Variants in NRG1 observed in about 807,000 individuals in gnomAD.
NRG1 encodes pro-neuregulin-1, membrane-bound isoform.
Under a neutral mutation model 63.8 loss-of-function variants are expected in NRG1, and 18 were observed. The observed-to-expected ratio is 0.28, with a 90% CI of 0.19 to 0.42. NRG1 has a LOEUF of 0.42. Ranked by LOEUF, NRG1 falls within the 10% of genes least tolerant of loss-of-function variation. NRG1 has a pLI of 1.00. For synonymous variants in NRG1, 302 were observed against 301.3 expected, an observed-to-expected ratio of 1.00 and a Z score of -0.02; for missense variants, 762 against 814.7, an observed-to-expected ratio of 0.94 and a Z score of 0.79.
In NRG1 at chr8:32,742,347, G is replaced by A. The variant is rs931200755; in HGVS notation, c.633-328G>A. On this transcript the variant is annotated intron_variant, in intron 6 of 11. Coordinates refer to ENST00000356819, the Ensembl canonical transcript of NRG1. The surrounding 1 kb of genome is among the most constrained non-coding windows in gnomAD (Gnocchi z 4.2). Reference sequence around the variant, plus strand: ...CAACCGAGAAACATTTTCTTCCAACGTGTGTGACCAAAGCCATCATATGGA... The same window carrying A: ...CAACCGAGAAACATTTTCTTCCAACATGTGTGACCAAAGCCATCATATGGA... 9.9e-5 allele frequency among the ~76,000 whole-genome samples: 15 copies of A among 151,970 alleles called. No homozygotes were observed. The highest frequency in any genetic ancestry group is 8.5e-4 in the Admixed American group (13 of 15,240).
chr8:31,765,628 G>A (rs1327265147), intron 1 of NRG1, among the ~76,000 whole-genome samples: 1 of 152,062 alleles, frequency 6.6e-6, no homozygotes, highest in Non-Finnish European at 1.5e-5. Context: ...CCTTCACATG[G>A]GCAAGTGTTT....
intron 1 of NRG1, among the ~76,000 whole-genome samples, chr8:32,560,465 G>A (rs1836180069): frequency 6.6e-6 from 1 of 152,138 alleles, no homozygotes; most frequent in African/African-American, 2.4e-5. Flanking sequence ...CATAGTCTTT[G>A]TTTTTAAGAA....
At chr8:32,664,839 T>C (rs2128881189) in intron 5 of NRG1, among the ~76,000 whole-genome samples, 2 of 152,310 alleles carry the variant, frequency 1.3e-5, no homozygotes, top group Admixed American at 1.3e-4. Context: ...GACAACCTCA[T>C]ACATTTATTC....
chr8:31,891,554 G>A (rs1831146657), intron 1 of NRG1, among the ~76,000 whole-genome samples: 1 of 152,256 alleles, frequency 6.6e-6, no homozygotes, highest in Non-Finnish European at 1.5e-5. Context: ...ATGTAAAATA[G>A]TACAGCCCAT....
intron 1 of NRG1, among the ~76,000 whole-genome samples, chr8:32,566,956 C>T (rs1169390638): frequency 6.6e-6 from 1 of 152,168 alleles, no homozygotes; most frequent in Non-Finnish European, 1.5e-5. Context: ...GATTCTGTTG[C>T]CTCAGCCTCC....
intron 1 of NRG1, among the ~76,000 whole-genome samples, chr8:31,994,793 C>CT (rs1249823822): frequency 3.4e-4 from 51 of 150,606 alleles, no homozygotes; most frequent in African/African-American, 1.2e-3. Context: ...TCTCACAATT[C>CT]TTTTGGGTAA....
chr8:31,667,909 C>A (rs1806718761), intron 1 of NRG1, among the ~76,000 whole-genome samples: 1 of 152,066 alleles, frequency 6.6e-6, no homozygotes, highest in Non-Finnish European at 1.5e-5. Context: ...TGGAGACAGA[C>A]TGAAAAAGTG....
At chr8:32,627,781 A>G (rs988067981) in intron 5 of NRG1, among the ~76,000 whole-genome samples, 1 of 152,240 alleles carries the variant, frequency 6.6e-6, no homozygotes, top group African/African-American at 2.4e-5. Context: ...AAATTATAAA[A>G]CAAAAATTTT....
At chr8:32,608,036 T>C (rs2439281) in intron 3 of NRG1, among the ~76,000 whole-genome samples, 91,390 of 149,934 alleles carry the variant, frequency 0.61, 28,977 homozygotes, top group African/African-American at 0.76. Context: ...AACAGACTTA[T>C]TCAGGATCAC....
chr8:31,875,100 C>T (rs1260355443), intron 1 of NRG1, among the ~76,000 whole-genome samples: 1 of 152,136 alleles, frequency 6.6e-6, no homozygotes. Context: ...AGCTGCCTTT[C>T]CCCTAATTTC....
At chr8:31,930,629 T>C (rs1429535337) in intron 1 of NRG1, among the ~76,000 whole-genome samples, 1 of 152,160 alleles carries the variant, frequency 6.6e-6, no homozygotes, top group African/African-American at 2.4e-5. Context: ...GGGGAAAAGG[T>C]TATTTTAATA....
At position 31,682,740 on chromosome 8, in the gene NRG1, C is replaced by T. The variant is rs555891218; in HGVS notation, c.37+43309C>T. ...ACAGATAAAAACCACAGGGCTACAT[C>T]TCACAAACGTTATATGGAATAAAAA... On this transcript the variant is annotated intron_variant, in intron 1 of 10. Coordinates refer to the NRG1 transcript ENST00000519301. Among the ~76,000 whole-genome samples the T allele has an allele frequency of 2.0e-5, 3 of 152,204 alleles. No homozygotes were observed. In the South Asian group the frequency reaches 6.2e-4, roughly 32 times the overall value.
At chr8:32,483,815 G>A (rs1825586661) in intron 1 of NRG1, among the ~76,000 whole-genome samples, 1 of 152,118 alleles carries the variant, frequency 6.6e-6, no homozygotes, top group Admixed American at 6.6e-5. Flanking sequence ...GAAAGTTTGG[G>A]CAGAAGTGGC....
chr8:32,519,031 T>C (rs1295064478), intron 1 of NRG1, among the ~76,000 whole-genome samples: 1 of 152,196 alleles, frequency 6.6e-6, no homozygotes, highest in Non-Finnish European at 1.5e-5. Flanking sequence ...GTTGTTATTA[T>C]AATAGCAATG....
At chr8:32,592,218 T>C (rs1041575402) in intron 1 of NRG1, among the ~76,000 whole-genome samples, 3 of 152,098 alleles carry the variant, frequency 2.0e-5, no homozygotes, top group Non-Finnish European at 4.4e-5. Context: ...CCCTAAATGC[T>C]TAAGCAGATA....
At chr8:32,456,615 C>G (rs1048268346) in intron 1 of NRG1, among the ~76,000 whole-genome samples, 1 of 152,202 alleles carries the variant, frequency 6.6e-6, no homozygotes, top group African/African-American at 2.4e-5. Flanking sequence ...ATCTAGCTTA[C>G]TTTACTGTAA....
At chr8:31,934,323 A>ATG (rs922573330) in intron 1 of NRG1, among the ~76,000 whole-genome samples, 4 of 150,674 alleles carry the variant, frequency 2.7e-5, no homozygotes, top group African/African-American at 9.8e-5. Context: ...GTGTATATAT[A>ATG]TGTGTGTGTA....
At chr8:32,249,925 C>A (rs2129470217) in intron 1 of NRG1, among the ~76,000 whole-genome samples, 1 of 151,862 alleles carries the variant, frequency 6.6e-6, no homozygotes, top group Non-Finnish European at 1.5e-5. Flanking sequence ...TCTATAGGGG[C>A]AAGAAAAAAC....
At chr8:32,612,305 T>C (rs761335213) in intron 3 of NRG1, among the ~76,000 whole-genome samples, 7 of 152,086 alleles carry the variant, frequency 4.6e-5, no homozygotes, top group African/African-American at 7.2e-5. Context: ...ATTCTACCCA[T>C]AGCACACATA....
Sources: gnomAD v4.1 joint callset for allele counts (sites outside exome capture counted in the v4.1 genomes callset) on GRCh38, gnomAD v4.1.1 for gene constraint, Gnocchi (gnomAD v3.1) non-coding constraint, MANE v1.5 for transcripts, NCBI Gene and HGNC (gene_info 2026-07-23, HGNC 2026-07-21) for gene names.